The following ZMYND8 variants were observed in gnomAD, a reference collection of about 807,000 sequenced individuals.
ZMYND8 encodes the protein zinc finger MYND-type containing 8, also known as MYND-type zinc finger-containing chromatin reader ZMYND8.
Under a neutral mutation model 140.8 loss-of-function variants are expected in ZMYND8, and 37 were observed. The ratio of observed to expected loss-of-function variants is 0.26; its 90% confidence interval spans 0.20 to 0.35. The LOEUF is 0.35. Among genes scored for constraint, ZMYND8 ranks in the 10% least tolerant of loss-of-function variants. The probability of loss-of-function intolerance (pLI) is 1.00; values close to 1 mark genes in which losing one functional copy is unlikely to be tolerated. For synonymous variants in ZMYND8, 592 were observed against 597.1 expected (o/e 0.99, Z 0.12); for missense variants, 1,068 against 1,570.0 (o/e 0.68, Z 5.40).
intron 3 of ZMYND8, among the ~76,000 whole-genome samples, chr20:47,300,368 C>T (rs985217925): frequency 2.0e-5 from 3 of 152,174 alleles, no homozygotes; most frequent in Non-Finnish European, 4.4e-5. Context: ...CACTGTATAA[C>T]ATGTTTCTTT....
chr20:47,301,902 C>T (rs1397206826), intron 3 of ZMYND8, among the ~76,000 whole-genome samples: 1 of 152,056 alleles, frequency 6.6e-6, no homozygotes, highest in Non-Finnish European at 1.5e-5. Flanking sequence ...AAGTAGTTAC[C>T]TCCATGATGT....
In ZMYND8 at chr20:47,339,718, C is replaced by T. The variant is rs184768680; in HGVS notation, c.85+8138G>A. Among the ~76,000 whole-genome samples the T allele has an allele frequency of 3.6e-3, 551 of 152,254 alleles. 2 individuals are homozygous for T. The highest frequency in any genetic ancestry group is 0.013 in the African/African-American group (523 of 41,540). ...GTCTCGATCTCCTTACCTCATGATC[C>T]GCCCACCTCGGCTTCCCAAAATGCT... is the stretch of plus-strand genomic sequence containing the variant. On this transcript the variant is annotated intron_variant, in intron 2 of 22. Coordinates refer to ENST00000471951, the MANE Select transcript of ZMYND8 (RefSeq NM_001281775.3).
intron 16 of ZMYND8, among the ~76,000 whole-genome samples, chr20:47,232,388 T>C (rs1268090491): frequency 1.3e-5 from 2 of 151,312 alleles, no homozygotes; most frequent in East Asian, 3.9e-4. Context: ...AATAAATAAA[T>C]AAATAAATAA....
rs940818704 is a variant in ZMYND8, at chr20:47,260,807, T to C, written c.1621+1481A>G. Among the ~76,000 whole-genome samples, 5 of 152,252 alleles carry C rather than the reference T, an allele frequency of 3.3e-5. No homozygotes were observed. The South Asian group carries it at 1.0e-3, about 31-fold the overall frequency. On this transcript the variant is annotated intron_variant, in intron 12 of 22. Transcript: ENST00000471951. ...TCTATCTTTCTAAAAACCCAGCCTC[T>C]ACAAGAGCAGGTCCTTAGCTGACTT... is the stretch of plus-strand genomic sequence containing the variant.
intron 13 of ZMYND8, among the ~76,000 whole-genome samples, chr20:47,247,878 G>A (rs2040756644): frequency 6.6e-6 from 1 of 152,184 alleles, no homozygotes; most frequent in Non-Finnish European, 1.5e-5. Context: ...TCAGGAGGCT[G>A]AGGCAGAAGA....
rs112830480 is a variant in ZMYND8, at chr20:47,210,446, C to CTT, written c.*313_*314dup. ...TTTTTTTTAAATCGTTTTTCTTTTTCTTTTTTTTTTTTTAATAAGTTAAAG... is the reference window on the plus strand; with the variant it reads ...TTTTTTTTAAATCGTTTTTCTTTTTCTTTTTTTTTTTTTTTAATAAGTTAAAG... On this transcript the variant is annotated 3_prime_UTR_variant, in exon 23 of 23. Transcript: ENST00000471951. 8.7e-5 allele frequency: 8 copies of CTT among 92,160 alleles called. No individual in the cohort carries two copies. Among genetic ancestry groups the CTT allele is most frequent in the East Asian group, 3.0e-4 (1 of 3,354 alleles). 5.7% of individuals were successfully genotyped at this position (92,160 alleles called of 1,614,324 possible).
rs1377962509 is a variant in ZMYND8 at position 47,246,460 on chromosome 20, T to G, written c.1832A>C (p.Asp611Ala). 1 of 1,613,760 alleles carries G rather than the reference T, an allele frequency of 6.2e-7. No individual in the cohort carries two copies. Among genetic ancestry groups the G allele is most frequent in the Non-Finnish European group, 8.5e-7 (1 of 1,180,022 alleles). The change falls in exon 14 of 23, where the codon GAT (aspartate) becomes GCT (alanine). Residue 611 changes from aspartate to alanine, a missense_variant. Around this residue, in one of 10 missense-constraint regions of ZMYND8, gnomAD observed 383 missense variants for 431.2 expected, o/e 0.89. Coordinates refer to ENST00000471951, the MANE Select transcript of ZMYND8 (RefSeq NM_001281775.3). ...ATCGCTACTATCTGACTTCTCAGAATCCTCCGAATCGCTGTGCTCTACGGC... is the reference window on the plus strand; with the variant it reads ...ATCGCTACTATCTGACTTCTCAGAAGCCTCCGAATCGCTGTGCTCTACGGC... ...YTAVEHSDSEDSEKSDSSDSE... is the reference protein window; with the variant it reads ...YTAVEHSDSEASEKSDSSDSE...
rs536047686 is a variant in ZMYND8 at position 47,276,480 on chromosome 20, C to T, written c.1314G>A (p.Gly438=). ...ACAAGGAAATCCGGCGGCCTGTGCCCCCACTCAGCACAGGCTTGCTCATCA... is the reference window on the plus strand; with the variant it reads ...ACAAGGAAATCCGGCGGCCTGTGCCTCCACTCAGCACAGGCTTGCTCATCA... ...KILMSKPVLS[G]GTGRRISLSD... The change falls in exon 11 of 23, where the codon GGG becomes GGA. Residue 438 remains glycine (G), a synonymous_variant. Transcript: ENST00000471951. The T allele has an allele frequency of 6.2e-7, 1 of 1,614,026 alleles. No homozygotes were observed. Among genetic ancestry groups the T allele is most frequent in the Admixed American group, 1.7e-5 (1 of 59,996 alleles).
intron 2 of ZMYND8, among the ~76,000 whole-genome samples, chr20:47,329,688 G>C (rs1332651890): frequency 6.6e-6 from 1 of 152,142 alleles, no homozygotes; most frequent in African/African-American, 2.4e-5. Context: ...ACAGGCGTGA[G>C]CCACCACGCC....
intron 12 of ZMYND8, among the ~76,000 whole-genome samples, chr20:47,256,651 T>A (rs977593942): frequency 1.3e-5 from 2 of 152,102 alleles, no homozygotes; most frequent in African/African-American, 4.8e-5. Flanking sequence ...AGACACTATC[T>A]TTCAGTCAAA....
chr20:47,262,327 T>C lies in ZMYND8; in HGVS notation c.1582A>G (p.Lys528Glu), dbSNP rs548774658. The C allele has an allele frequency of 1.5e-5, 24 of 1,614,002 alleles. No homozygotes were observed. Among genetic ancestry groups the C allele is most frequent in the African/African-American group, 4.0e-5 (3 of 74,980 alleles). ...AGGATGCTGCCGGTGGTGGAGGTTT[T>C]GTCCGTTTTCGTCGTGATAGGAGCT... ...LSAPITTKTD[K>E]TSTTGSILNL... Residue 528 changes from lysine (K) to glutamate (E), a missense_variant, in exon 12 of 23, where the codon AAA becomes GAA. Lys to Glu is a moderately conservative substitution (Grantham distance 56). Around this residue, in one of 10 missense-constraint regions of ZMYND8, gnomAD observed 173 missense variants for 223.3 expected, o/e 0.77. Coordinates refer to ENST00000471951, the MANE Select transcript of ZMYND8 (RefSeq NM_001281775.3).
At chr20:47,278,444 G>A (rs1435816800) in intron 10 of ZMYND8, among the ~76,000 whole-genome samples, 1 of 152,128 alleles carries the variant, frequency 6.6e-6, no homozygotes. Context: ...TAGGAATCTG[G>A]ACCCAACACT....
intron 11 of ZMYND8, among the ~76,000 whole-genome samples, chr20:47,265,165 G>A (rs561068737): frequency 4.0e-4 from 60 of 151,602 alleles, no homozygotes; most frequent in South Asian, 1.3e-3. Flanking sequence ...AAAGCAATTT[G>A]CAGCTGCTCA....
intron 1 of ZMYND8, among the ~76,000 whole-genome samples, chr20:47,354,908 G>C (rs967257139): frequency 2.6e-5 from 4 of 152,148 alleles, no homozygotes. Flanking sequence ...CAGATGTGTG[G>C]AGGAGACCTG....
chr20:47,280,742 C>T (rs924109422), intron 10 of ZMYND8, among the ~76,000 whole-genome samples: 2 of 152,158 alleles, frequency 1.3e-5, no homozygotes, highest in African/African-American at 4.8e-5. Flanking sequence ...GAGGGATGTA[C>T]AGCCTGTCAC....
intron 2 of ZMYND8, among the ~76,000 whole-genome samples, chr20:47,312,789 CAAA>C (rs1210409565): frequency 4.4e-5 from 3 of 68,712 alleles, no homozygotes; most frequent in Non-Finnish European, 3.1e-5. Flanking sequence ...GACTCCGTCT[CAAA>C]AAAAAAAAAA....
rs1051635238 is a variant in ZMYND8 at position 47,273,893 on chromosome 20, G to A, written c.1480+2421C>T. Among the ~76,000 whole-genome samples the A allele has an allele frequency of 2.6e-5, 4 of 152,332 alleles. No individual in the cohort carries two copies. The East Asian group carries it at 7.7e-4, about 29-fold the overall frequency. ...TGACAGAAAAGGGGGCAATTTGTAA[G>A]AGTAAAATAATTTTCAATATCACTC... On this transcript the variant is annotated intron_variant, in intron 11 of 22. Coordinates refer to ENST00000471951, the MANE Select transcript of ZMYND8 (RefSeq NM_001281775.3).
intron 2 of ZMYND8, among the ~76,000 whole-genome samples, chr20:47,318,112 A>AATCAATTC (rs2079564758): frequency 6.6e-6 from 1 of 152,084 alleles, no homozygotes; most frequent in Non-Finnish European, 1.5e-5. Context: ...GAGCATGTTA[A>AATCAATTC]ATCAATTCCA....
intron 19 of ZMYND8, 144 bp downstream of exon 19, chr20:47,224,172 TA>T: frequency 1.5e-6 from 2 of 1,363,602 alleles, no homozygotes; most frequent in Non-Finnish European, 2.0e-6. Flanking sequence ...CACCTGTGTG[TA>T]AGACACAATT....
Sources: gnomAD v4.1 joint callset for allele counts (sites outside exome capture counted in the v4.1 genomes callset) on GRCh38, gnomAD v4.1.1 for gene constraint, gnomAD v4.1.1 regional missense constraint, MANE v1.5 for transcripts, NCBI Gene and HGNC (gene_info 2026-07-23, HGNC 2026-07-21) for gene names.